The following GNB5 variants were observed in gnomAD, a reference collection of about 807,000 sequenced individuals.
GNB5 encodes guanine nucleotide-binding protein subunit beta-5.
GNB5 carries 37 observed loss-of-function variants against 55.3 expected under a neutral mutation model. That is an observed-to-expected ratio of 0.67 (90% CI 0.51 to 0.88). The LOEUF (loss-of-function observed/expected upper bound fraction) is 0.88. Among genes scored for constraint, GNB5 ranks in the 40% least tolerant of loss-of-function variants. The pLI is 0.00. For synonymous variants in GNB5, 219 were observed against 198.5 expected (o/e 1.10, Z -0.87); for missense variants, 476 against 515.3 (o/e 0.92, Z 0.74).
intron 2 of GNB5, among the ~76,000 whole-genome samples, chr15:52,183,137 A>G (rs1183811629): frequency 1.3e-5 from 2 of 152,222 alleles, no homozygotes; most frequent in Admixed American, 6.5e-5. Context: ...AGCAATGGCA[A>G]AAACCGCAAT....
At chr15:52,134,590 A>G (rs759401094) in intron 8 of GNB5, among the ~76,000 whole-genome samples, 2 of 152,136 alleles carry the variant, frequency 1.3e-5, no homozygotes, top group Non-Finnish European at 2.9e-5. Context: ...CAGTGATACC[A>G]AGGCACAGGG....
intron 3 of GNB5, among the ~76,000 whole-genome samples, chr15:52,174,665 A>C (rs1360848852): frequency 7.4e-6 from 1 of 135,836 alleles, no homozygotes; most frequent in African/African-American, 3.2e-5. Context: ...TACAATTTTA[A>C]TATGTTGCCT....
intron 3 of GNB5, among the ~76,000 whole-genome samples, chr15:52,169,538 CAAAAAAAAAAAAAA>C (rs60470864): frequency 1.8e-4 from 13 of 71,498 alleles, no homozygotes; most frequent in African/African-American, 5.9e-4. Flanking sequence ...GACTCTGTCT[CAAAAAAAAAAAAAA>C]AAAAAAAAAA....
In GNB5 at chr15:52,119,540, G is replaced by T; in HGVS notation, c.*3217C>A. The T allele has an allele frequency of 6.9e-6, 1 of 144,982 alleles. No individual in the cohort carries two copies. The allele number at this position is 144,982 out of a possible 1,614,324, so 9.0% of individuals were successfully genotyped here. ...GGGAAGAGAAAGAGGGAAGATAGGTGGAGGGAGAAGGGAGGGGGGCAAATA... is the reference window on the plus strand; with the variant it reads ...GGGAAGAGAAAGAGGGAAGATAGGTTGAGGGAGAAGGGAGGGGGGCAAATA... On this transcript the variant is annotated 3_prime_UTR_variant, in exon 13 of 13. Transcript: ENST00000261837.
intron 3 of GNB5, among the ~76,000 whole-genome samples, chr15:52,156,049 C>G (rs1272062356): frequency 6.6e-6 from 1 of 152,208 alleles, no homozygotes; most frequent in East Asian, 1.9e-4. Context: ...CTTCCCTCTG[C>G]ATTCATTAGT....
At chr15:52,190,117 A>ATTT (rs68061912) in intron 1 of GNB5, among the ~76,000 whole-genome samples, 1 of 143,954 alleles carries the variant, frequency 6.9e-6, no homozygotes, top group Admixed American at 6.9e-5. Flanking sequence ...ATCTCAATAA[A>ATTT]TTTTTTTTTT....
At chr15:52,163,836 C>T (rs2034393363) in intron 3 of GNB5, among the ~76,000 whole-genome samples, 2 of 152,190 alleles carry the variant, frequency 1.3e-5, no homozygotes, top group Middle Eastern at 3.2e-3. Flanking sequence ...CAGCTGGCAT[C>T]AGGTTGGTGC....
chr15:52,164,308 T>TTA (rs1413717978), intron 3 of GNB5, among the ~76,000 whole-genome samples: 1,590 of 50,464 alleles, frequency 0.032, 89 homozygotes, highest in African/African-American at 0.099. Flanking sequence ...GACTCTGTCT[T>TTA]AAAAAAAAAA....
intron 3 of GNB5, among the ~76,000 whole-genome samples, chr15:52,175,697 C>T (rs921463001): frequency 1.3e-5 from 2 of 150,988 alleles, no homozygotes; most frequent in African/African-American, 4.9e-5. Flanking sequence ...TGAGATTGTG[C>T]CACTGGACTC....
intron 5 of GNB5, among the ~76,000 whole-genome samples, chr15:52,148,471 C>T (rs2034023216): frequency 6.6e-6 from 1 of 152,172 alleles, no homozygotes; most frequent in African/African-American, 2.4e-5. Flanking sequence ...CATGGCTGGC[C>T]TGTGTGCGGT....
At position 52,153,965 on chromosome 15, in the gene GNB5, T is replaced by C; in HGVS notation, c.350A>G (p.Lys117Arg). 6.2e-7 allele frequency: 1 copy of C among 1,613,828 alleles called. No homozygotes were observed. The highest frequency in any genetic ancestry group is 8.5e-7 in the Non-Finnish European group (1 of 1,179,764). ...CTGTGACGAGCTCACGATCCTCCTC[T>C]TATCTTTGCACCAGTCCATGCACAG... is the stretch of plus-strand genomic sequence containing the variant. ...KVLCMDWCKDKRRIVSSSQDG... is the reference protein window; with the variant it reads ...KVLCMDWCKDRRRIVSSSQDG... Residue 117 changes from lysine to arginine, a missense_variant, in exon 4 of 13, where the codon AAG (lysine) becomes AGG (arginine). Lys to Arg is a conservative substitution (Grantham distance 26, BLOSUM62 2). Coordinates refer to ENST00000261837, the MANE Select transcript of GNB5 (RefSeq NM_016194.4).
chr15:52,128,300 C>T, intron 9 of GNB5, 56 bp from the exon 10 acceptor site: 4 of 1,073,800 alleles, frequency 3.7e-6, no homozygotes, highest in Non-Finnish European at 5.8e-6. Context: ...GGATGCCCAT[C>T]AGAACCATGC....
intron 3 of GNB5, among the ~76,000 whole-genome samples, chr15:52,156,126 A>G (rs2034202669): frequency 6.6e-6 from 1 of 152,196 alleles, no homozygotes; most frequent in Non-Finnish European, 1.5e-5. Flanking sequence ...TTACATTAGT[A>G]GAGACTCATG....
chr15:52,164,825 T>C (rs1343397219), intron 3 of GNB5, among the ~76,000 whole-genome samples: 1 of 151,924 alleles, frequency 6.6e-6, no homozygotes, highest in African/African-American at 2.4e-5. Flanking sequence ...TCACAGCATC[T>C]CTATAGCAAA....
intron 5 of GNB5, among the ~76,000 whole-genome samples, chr15:52,149,031 G>A (rs2034036547): frequency 6.6e-6 from 1 of 152,224 alleles, no homozygotes; most frequent in Non-Finnish European, 1.5e-5. Flanking sequence ...GCTAGGCGCT[G>A]TATAGCAAAG....
In GNB5 at chr15:52,139,936, C is replaced by T. The variant is rs553744020; in HGVS notation, c.627+1204G>A. Reference sequence around the variant, plus strand: ...GTAGCCCCCTGAGCCTGCCTTCATCCAGCCTAAATGTCCTCTGTTGCTTTG... The same window carrying T: ...GTAGCCCCCTGAGCCTGCCTTCATCTAGCCTAAATGTCCTCTGTTGCTTTG... On this transcript the variant is annotated intron_variant, in intron 7 of 12. Coordinates refer to ENST00000261837, the MANE Select transcript of GNB5 (RefSeq NM_016194.4). 15 of 1,286,266 alleles carry T rather than the reference C, an allele frequency of 1.2e-5. No homozygotes were observed. The African/African-American group carries it at 2.0e-4, about 17-fold the overall frequency. 79.7% of individuals were successfully genotyped at this position (1,286,266 alleles called of 1,614,324 possible). A position where few individuals can be genotyped will look rare whatever the true frequency, so the allele number is the denominator to read the frequency against.
intron 3 of GNB5, among the ~76,000 whole-genome samples, chr15:52,167,904 CAT>C (rs898299113): frequency 7.2e-5 from 11 of 152,100 alleles, no homozygotes; most frequent in Admixed American, 5.9e-4. Flanking sequence ...AAAAAAACCA[CAT>C]GATTACCTCG....
At chr15:52,168,114 C>T (rs185452249) in intron 3 of GNB5, among the ~76,000 whole-genome samples, 173 of 152,356 alleles carry the variant, frequency 1.1e-3, no homozygotes, top group African/African-American at 4.0e-3. Context: ...CCTCTCTCTC[C>T]ACTCCTATTC....
chr15:52,137,126 C>A (rs2033743772), intron 7 of GNB5: 1 of 664,944 alleles, frequency 1.5e-6, no homozygotes, highest in Non-Finnish European at 2.2e-6. Context: ...CTAATTCCTC[C>A]ATTTTCAGAA....
Sources: gnomAD v4.1 joint callset for allele counts (sites outside exome capture counted in the v4.1 genomes callset) on GRCh38, gnomAD v4.1.1 for gene constraint, MANE v1.5 for transcripts, NCBI Gene and HGNC (gene_info 2026-07-23, HGNC 2026-07-21) for gene names.